Variants in CRIM1 observed in about 807,000 individuals in gnomAD.
The protein encoded by CRIM1 is cysteine-rich motor neuron 1 protein.
In CRIM1, 32 loss-of-function variants were observed where a neutral mutation model predicts 116.4. The observed-to-expected ratio is 0.27, with a 90% CI of 0.21 to 0.37. The LOEUF (loss-of-function observed/expected upper bound fraction) is 0.37, where lower values mean the gene tolerates loss of function less well. CRIM1 is among the 10% of genes least tolerant of loss of function. The pLI is 1.00. For synonymous variants in CRIM1, 590 were observed against 509.2 expected (o/e 1.16, Z -2.13); for missense variants, 1,331 against 1,354.8 (o/e 0.98, Z 0.28).
rs1386266225 is a variant in CRIM1 at position 36,518,136 on chromosome 2, G to A, written c.2206+594G>A. Among the ~76,000 whole-genome samples the A allele has an allele frequency of 3.3e-5, 5 of 152,114 alleles. No homozygotes were observed. In the East Asian group the frequency reaches 9.6e-4, roughly 29 times the overall value. ...TTCTCAGATAATCTGACCTTAGCAG[G>A]TAAATGTATGGCCATGAAACTTGTT... On this transcript the variant is annotated intron_variant, in intron 12 of 16. Transcript: ENST00000280527.
chr2:36,391,636 G>T (rs113712569), intron 1 of CRIM1, among the ~76,000 whole-genome samples: 2 of 152,202 alleles, frequency 1.3e-5, no homozygotes, highest in Non-Finnish European at 2.9e-5. Flanking sequence ...AGGTGTACCT[G>T]CAGGACATGC....
intron 2 of CRIM1, 32 bp downstream of exon 2, chr2:36,396,819 G>A (rs370896298): frequency 3.7e-5 from 58 of 1,567,704 alleles, no homozygotes; most frequent in South Asian, 2.1e-4. Context: ...CCATCCAGTC[G>A]TAAGCCTTAG....
intron 8 of CRIM1, among the ~76,000 whole-genome samples, chr2:36,506,133 G>GCGCACA (rs1553326535): frequency 7.3e-6 from 1 of 136,422 alleles, no homozygotes; most frequent in Non-Finnish European, 1.5e-5. Flanking sequence ...ATTGCAGGGT[G>GCGCACA]CACACACACA....
chr2:36,400,030 G>A lies in CRIM1; in HGVS notation c.505+3243G>A, dbSNP rs141114167. On this transcript the variant is annotated intron_variant, in intron 2 of 16. Coordinates refer to ENST00000280527, the MANE Select transcript of CRIM1 (RefSeq NM_016441.3). ...TCTCTAGTTCTTATGTAGGTGTGCA[G>A]TTTAGGTAGAGAGGTAGCCGGTTGG... Among the ~76,000 whole-genome samples, 617 of 152,312 alleles carry A rather than the reference G, an allele frequency of 4.1e-3. 4 individuals carry two copies. Among genetic ancestry groups the A allele is most frequent in the African/African-American group, 0.014 (589 of 41,572 alleles).
chr2:36,442,384 C>CT (rs1675915992), intron 3 of CRIM1, among the ~76,000 whole-genome samples: 1 of 152,106 alleles, frequency 6.6e-6, no homozygotes, highest in African/African-American at 2.4e-5. Flanking sequence ...AATTCTTTCT[C>CT]TGTCTTCATT....
chr2:36,486,803 T>C (rs1007627668), intron 7 of CRIM1, among the ~76,000 whole-genome samples: 2 of 152,236 alleles, frequency 1.3e-5, no homozygotes, highest in African/African-American at 4.8e-5. Flanking sequence ...GCTAACTATG[T>C]GAATGAAAAA....
intron 2 of CRIM1, among the ~76,000 whole-genome samples, chr2:36,405,862 A>G (rs1277797294): frequency 6.6e-6 from 1 of 152,240 alleles, no homozygotes; most frequent in East Asian, 1.9e-4. Flanking sequence ...TTAAAAATGA[A>G]ATATTTCATA....
At position 36,356,624 on chromosome 2, in the gene CRIM1, G is replaced by T; in HGVS notation, c.331+1G>T. On this transcript the variant is annotated splice_donor_variant, in intron 1 of 16. Transcript: ENST00000280527. LOFTEE classifies it high-confidence loss of function. The surrounding 1 kb of genome is among the most constrained non-coding windows in gnomAD (Gnocchi z 4.3). ...GAGTACGAAGCGGGCGTTTGCGAAGGTACGGCCGCCCGCTGCGGGCCCCCT... is the reference window on the plus strand; with the variant it reads ...GAGTACGAAGCGGGCGTTTGCGAAGTTACGGCCGCCCGCTGCGGGCCCCCT... 1 of 1,604,162 alleles carries T rather than the reference G, an allele frequency of 6.2e-7. No homozygotes were observed.
At chr2:36,360,832 A>G (rs992938032) in intron 1 of CRIM1, among the ~76,000 whole-genome samples, 4 of 152,174 alleles carry the variant, frequency 2.6e-5, no homozygotes, top group Admixed American at 1.3e-4. Context: ...GAGGGGGGCA[A>G]AATATCAGCT....
intron 7 of CRIM1, among the ~76,000 whole-genome samples, chr2:36,482,917 A>ATG (rs1558354834): frequency 6.6e-6 from 1 of 152,126 alleles, no homozygotes; most frequent in Non-Finnish European, 1.5e-5. Context: ...TGACAAGATA[A>ATG]TGTGTCTTTT....
intron 13 of CRIM1, among the ~76,000 whole-genome samples, chr2:36,533,523 G>A (rs1666263233): frequency 2.0e-5 from 3 of 151,948 alleles, no homozygotes; most frequent in African/African-American, 7.3e-5. Flanking sequence ...GATCACTTGA[G>A]CCCAGAAGTT....
At position 36,537,491 on chromosome 2, in the gene CRIM1, T is replaced by C; in HGVS notation, c.2568T>C (p.Pro856=). The C allele has an allele frequency of 6.2e-7, 1 of 1,614,156 alleles. No individual in the cohort carries two copies. The highest frequency in any genetic ancestry group is 1.3e-5 in the African/African-American group (1 of 75,066). ...TCTGCTCGACCGTCAGCTGCCCCCC[T>C]CTGCCCTGTGTTGAGCCCATCAACG... is the stretch of plus-strand genomic sequence containing the variant. ...QTLCSTVSCP[P]LPCVEPINVE... Residue 856 remains proline (P), a synonymous_variant, in exon 14 of 17, where the codon CCT becomes CCC. Transcript: ENST00000280527.
At chr2:36,499,195 A>G in intron 7 of CRIM1, 24 bp from the exon 8 acceptor site, 1 of 1,584,936 alleles carries the variant, frequency 6.3e-7, no homozygotes, top group Non-Finnish European at 8.7e-7. Flanking sequence ...TTCATTGGTT[A>G]TTTTTTTCTC....
intron 2 of CRIM1, among the ~76,000 whole-genome samples, chr2:36,410,321 C>G (rs1042421002): frequency 7.9e-5 from 12 of 151,960 alleles, no homozygotes; most frequent in African/African-American, 1.7e-4. Context: ...TTATCAGTAG[C>G]CTTTCTTTTC....
chr2:36,388,054 GTTCTTCATTT>G lies in CRIM1; in HGVS notation c.332-8557_332-8548del, dbSNP rs1270643834. Among the ~76,000 whole-genome samples the G allele has an allele frequency of 2.1e-4, 31 of 149,754 alleles. No individual in the cohort carries two copies. The South Asian group carries it at 5.5e-3, about 26-fold the overall frequency. Reference sequence around the variant, plus strand: ...AATGTTGACATATGGTACTTCCACTGTTCTTCATTTTTAAGTATTTGGTAAGTTCCCTATA... The same window carrying G: ...AATGTTGACATATGGTACTTCCACTGTTAAGTATTTGGTAAGTTCCCTATA... On this transcript the variant is annotated intron_variant, in intron 1 of 16. Coordinates refer to ENST00000280527, the MANE Select transcript of CRIM1 (RefSeq NM_016441.3).
chr2:36,434,862 T>A (rs1675176276), intron 2 of CRIM1, among the ~76,000 whole-genome samples: 1 of 152,198 alleles, frequency 6.6e-6, no homozygotes, highest in African/African-American at 2.4e-5. Context: ...TCCCTTTGTC[T>A]GGAACACTCT....
At chr2:36,490,112 C>G (rs1680121509) in intron 7 of CRIM1, among the ~76,000 whole-genome samples, 1 of 152,142 alleles carries the variant, frequency 6.6e-6, no homozygotes, top group East Asian at 1.9e-4. Flanking sequence ...AATGCTGAAC[C>G]AATTGCCATA....
At chr2:36,379,799 A>G (rs1279207673) in intron 1 of CRIM1, among the ~76,000 whole-genome samples, 4 of 126,866 alleles carry the variant, frequency 3.2e-5, no homozygotes, top group African/African-American at 6.2e-5. Context: ...AGATGAATCT[A>G]TATCAGGGTA....
intron 13 of CRIM1, among the ~76,000 whole-genome samples, chr2:36,528,088 A>G (rs1435491797): frequency 1.3e-5 from 2 of 152,258 alleles, no homozygotes; most frequent in Non-Finnish European, 2.9e-5. Context: ...AAAATACTTT[A>G]TAAACAGTAA....
Sources: allele counts gnomAD v4.1 joint callset (sites outside exome capture counted in the v4.1 genomes callset), GRCh38; gene constraint gnomAD v4.1.1; non-coding constraint Gnocchi (gnomAD v3.1); transcripts MANE v1.5; gene names NCBI Gene and HGNC (gene_info 2026-07-23, HGNC 2026-07-21).